The following ZCCHC4 variants were observed in gnomAD, a reference collection of about 807,000 sequenced individuals.
ZCCHC4 encodes zinc finger CCHC-type containing 4.
In ZCCHC4, 54 loss-of-function variants were observed where a neutral mutation model predicts 67.7. The ratio of observed to expected loss-of-function variants is 0.80; its 90% CI spans 0.64 to 1.00. The LOEUF is 1.00. Among genes scored for constraint, ZCCHC4 ranks in the 50% least tolerant of loss-of-function variants. The pLI, the probability that ZCCHC4 is intolerant of heterozygous loss-of-function variation, is 0.00. For synonymous variants in ZCCHC4, 198 were observed against 213.5 expected, an observed-to-expected ratio of 0.93 and a Z score of 0.63; for missense variants, 609 against 617.0, an observed-to-expected ratio of 0.99 and a Z score of 0.14.
At chr4:25,361,635 A>G (rs932007578) in intron 8 of ZCCHC4, 1 of 489,040 alleles carries the variant, frequency 2.0e-6, no homozygotes. Flanking sequence ...CCAGAGAGAA[A>G]AAGCCATGTC....
intron 8 of ZCCHC4, among the ~76,000 whole-genome samples, chr4:25,360,206 T>C (rs1166673597): frequency 1.3e-5 from 2 of 152,252 alleles, no homozygotes; most frequent in Admixed American, 1.3e-4. Context: ...TGCTAACCTC[T>C]GATTCTCTTG....
At chr4:25,362,842 T>G (rs1250384432) in intron 10 of ZCCHC4, among the ~76,000 whole-genome samples, 1 of 152,182 alleles carries the variant, frequency 6.6e-6, no homozygotes, top group Non-Finnish European at 1.5e-5. Context: ...GTATTATTTT[T>G]TCTTAATAGA....
Position 25,369,340 on chromosome 4 carries a change from A to T in ZCCHC4, c.*176A>T, listed in dbSNP as rs315689. ...GTCCCTTATCTGCCTCTCTGGAGAC[A>T]TGGGGAGTTGTTCCATCTTCAGCCA... On this transcript the variant is annotated 3_prime_UTR_variant, in exon 13 of 13. Transcript: ENST00000302874. 686,187 of 722,514 alleles carry T rather than the reference A, an allele frequency of 0.95. 326,579 individuals carry two copies. The highest frequency in any genetic ancestry group is 0.99 in the African/African-American group (53,805 of 54,362). The allele number at this position is 722,514 out of a possible 1,614,324, so 44.8% of individuals were successfully genotyped here.
In ZCCHC4 at chr4:25,321,106, C is replaced by G. The variant is rs550883912; in HGVS notation, c.329+5706C>G. ...GTGGGATTTTCCTTTCTTAGGTCCTCTAAAGGCCTTAATTATTGTTGTTAT... is the reference window on the plus strand; with the variant it reads ...GTGGGATTTTCCTTTCTTAGGTCCTGTAAAGGCCTTAATTATTGTTGTTAT... On this transcript the variant is annotated intron_variant, in intron 3 of 12. Transcript: ENST00000302874. Among the ~76,000 whole-genome samples the G allele has an allele frequency of 5.3e-5, 8 of 152,308 alleles. 1 individual carries two copies. In the South Asian group the frequency reaches 1.4e-3, roughly 28 times the overall value.
intron 3 of ZCCHC4, among the ~76,000 whole-genome samples, chr4:25,331,256 T>C (rs1281085421): frequency 1.3e-5 from 2 of 152,192 alleles, no homozygotes; most frequent in African/African-American, 4.8e-5. Context: ...TGAAGGCCCA[T>C]GGTAAATCTG....
chr4:25,352,135 C>A, intron 8 of ZCCHC4: 1 of 986,310 alleles, frequency 1.0e-6, no homozygotes, highest in Middle Eastern at 5.2e-4. Context: ...TTTACTGCAT[C>A]ACTCTTGGGA....
intron 3 of ZCCHC4, among the ~76,000 whole-genome samples, chr4:25,330,937 C>G (rs570883297): frequency 6.6e-6 from 1 of 152,192 alleles, no homozygotes; most frequent in Non-Finnish European, 1.5e-5. Context: ...GTCAGCTAGT[C>G]TGGAGCGTTT....
chr4:25,312,776 T>G lies in ZCCHC4; in HGVS notation c.-34T>G, dbSNP rs1225344715. ...GGGCGCTCTTTCTCAGCATTCTTGTTTCGTACTGAGGCTTTCGGGACGGCG... is the reference window on the plus strand; with the variant it reads ...GGGCGCTCTTTCTCAGCATTCTTGTGTCGTACTGAGGCTTTCGGGACGGCG... On this transcript the variant is annotated 5_prime_UTR_variant, in exon 1 of 13. Coordinates refer to ENST00000302874, the MANE Select transcript of ZCCHC4 (RefSeq NM_024936.3). 1.2e-6 allele frequency: 2 copies of G among 1,611,852 alleles called. No homozygotes were observed. Among genetic ancestry groups the G allele is most frequent in the Non-Finnish European group, 1.7e-6 (2 of 1,179,492 alleles).
At chr4:25,366,234 C>T (rs975820406) in intron 12 of ZCCHC4, 46 of 923,140 alleles carry the variant, frequency 5.0e-5, no homozygotes, top group Non-Finnish European at 5.9e-5. Context: ...ATTTACTCTA[C>T]TTTAAATAAT....
intron 5 of ZCCHC4, among the ~76,000 whole-genome samples, chr4:25,344,230 A>G (rs1719887666): frequency 6.6e-6 from 1 of 152,148 alleles, no homozygotes; most frequent in African/African-American, 2.4e-5. Context: ...TGGTACTCTC[A>G]TGCACTGCCA....
intron 3 of ZCCHC4, among the ~76,000 whole-genome samples, chr4:25,316,739 A>G (rs941457709): frequency 2.6e-5 from 4 of 152,150 alleles, no homozygotes; most frequent in African/African-American, 9.7e-5. Flanking sequence ...ATGATTTGCA[A>G]ATATTTTCTC....
At chr4:25,355,980 A>C (rs1447365143) in intron 8 of ZCCHC4, among the ~76,000 whole-genome samples, 1 of 152,190 alleles carries the variant, frequency 6.6e-6, no homozygotes, top group African/African-American at 2.4e-5. Context: ...GTCTTATTTA[A>C]TCTTTCTTTC....
Position 25,361,970 on chromosome 4 carries a change from G to A in ZCCHC4, c.1123G>A (p.Glu375Lys). ...CAACAAAATAATCCTTCCTACTGAA[G>A]AAGGGTACAGGTAAGATCACAGTGG... is the stretch of plus-strand genomic sequence containing the variant. ...PPNKIILPTE[E>K]GYRFCSPCQR... The change falls in exon 9 of 13, where the codon GAA (glutamate) becomes AAA (lysine). Residue 375 changes from glutamate to lysine, a missense_variant. Glu to Lys is a moderately conservative substitution (Grantham distance 56, BLOSUM62 1). Coordinates refer to ENST00000302874, the MANE Select transcript of ZCCHC4 (RefSeq NM_024936.3). 2 of 1,613,930 alleles carry A rather than the reference G, an allele frequency of 1.2e-6. No homozygotes were observed. The highest frequency in any genetic ancestry group is 2.2e-5 in the South Asian group (2 of 91,006).
At chr4:25,355,498 G>T (rs973015727) in intron 8 of ZCCHC4, among the ~76,000 whole-genome samples, 7 of 152,124 alleles carry the variant, frequency 4.6e-5, no homozygotes, top group African/African-American at 1.4e-4. Context: ...TGAATTAGAT[G>T]ATCTCACCTC....
At chr4:25,345,377 G>T (rs1383229996) in intron 5 of ZCCHC4, among the ~76,000 whole-genome samples, 171 bp from the exon 6 acceptor site, 1 of 152,002 alleles carries the variant, frequency 6.6e-6, no homozygotes, top group Admixed American at 6.5e-5. Flanking sequence ...ACTTAAGTTT[G>T]TTATTTATTC....
At chr4:25,358,308 A>G (rs1349561391) in intron 8 of ZCCHC4, among the ~76,000 whole-genome samples, 1 of 152,210 alleles carries the variant, frequency 6.6e-6, no homozygotes, top group Non-Finnish European at 1.5e-5. Flanking sequence ...TAACCTTCAC[A>G]GCAACTTTAA....
intron 10 of ZCCHC4, among the ~76,000 whole-genome samples, chr4:25,363,657 T>A (rs1449418492): frequency 6.6e-6 from 1 of 152,248 alleles, no homozygotes; most frequent in Admixed American, 6.5e-5. Context: ...TTTTTAACAA[T>A]GTTAATACAT....
rs79881266 is a variant in ZCCHC4, at chr4:25,332,031, C to T, written c.330-1152C>T. Among the ~76,000 whole-genome samples, 13 of 152,278 alleles carry T rather than the reference C, an allele frequency of 8.5e-5. No individual in the cohort carries two copies. The East Asian group carries it at 2.5e-3, about 29-fold the overall frequency. Reference sequence around the variant, plus strand: ...CCATCAAAACTGTATGACTAGGCCACATGTGATGGCTCATGCCTGTAATCC... The same window carrying T: ...CCATCAAAACTGTATGACTAGGCCATATGTGATGGCTCATGCCTGTAATCC... On this transcript the variant is annotated intron_variant, in intron 3 of 12. Transcript: ENST00000302874.
At chr4:25,364,983 T>C in intron 11 of ZCCHC4, 39 bp from the exon 12 acceptor site, 1 of 1,610,700 alleles carries the variant, frequency 6.2e-7, no homozygotes, top group South Asian at 1.1e-5. Context: ...AAAATTACGT[T>C]ACATGAACTT....
Sources: allele counts gnomAD v4.1 joint callset (sites outside exome capture counted in the v4.1 genomes callset), GRCh38; gene constraint gnomAD v4.1.1; transcripts MANE v1.5; gene names NCBI Gene and HGNC (gene_info 2026-07-23, HGNC 2026-07-21).